YY2: variants seen among roughly 807,000 people sequenced by gnomAD.
The protein encoded by YY2 is transcription factor YY2.
For synonymous variants in YY2, 157 were observed against 131.2 expected (o/e 1.20, Z -1.35); for missense variants, 254 against 305.3 (o/e 0.83, Z 1.25).
Position 21,856,308 on chromosome X carries a change from CT to C in YY2, c.-176del, listed in dbSNP as rs1394837289. On this transcript the variant is annotated 5_prime_UTR_variant, in exon 1 of 1. An upstream open reading frame in the 5' UTR gains an earlier in-frame stop. Coordinates refer to ENST00000429584, the MANE Select transcript of YY2 (RefSeq NM_206923.4). ...GCCTTTCTCTGCAGCTCGCGCCTTT[CT>C]CTGCAGCTCGCGCCTTTCTCTGCAG... 11 of 367,804 alleles carry C rather than the reference CT, an allele frequency of 3.0e-5. No individual in the cohort carries two copies. The highest frequency in any genetic ancestry group is 9.3e-5 in the East Asian group (2 of 21,554). The allele number at this position is 367,804 out of a possible 1,213,427, so 30.3% of individuals were successfully genotyped here.
At position 21,856,301 on chromosome X, in the gene YY2, C is replaced by T. The variant is rs765665613; in HGVS notation, c.-184C>T. 7.8e-5 allele frequency: 29 copies of T among 373,975 alleles called. No homozygotes were observed. In the Admixed American group the frequency reaches 1.3e-3, roughly 17 times the overall value. The allele number at this position is 373,975 out of a possible 1,213,427, so 30.8% of individuals were successfully genotyped here. Reference sequence around the variant, plus strand: ...GTCTCGCGCCTTTCTCTGCAGCTCGCGCCTTTCTCTGCAGCTCGCGCCTTT... The same window carrying T: ...GTCTCGCGCCTTTCTCTGCAGCTCGTGCCTTTCTCTGCAGCTCGCGCCTTT... On this transcript the variant is annotated 5_prime_UTR_variant, in exon 1 of 1. Transcript: ENST00000429584.
rs141654651 is a variant in YY2 at position 21,856,691 on chromosome X, G to A, written c.207G>A (p.Thr69=). Residue 69 remains threonine, a synonymous_variant, in exon 1 of 1, where the codon ACG becomes ACA. Transcript: ENST00000429584. ...LMVLQPLFTN[T]GYGDHDQEML... is the part of the protein sequence containing the mutation. The stretch of plus-strand genomic sequence containing the variant: ...TGTTGCAGCCGCTCTTCACGAACAC[G>A]GGCTATGGCGACCACGACCAGGAAA... 4.4e-4 allele frequency: 536 copies of A among 1,209,932 alleles called. 3 individuals carry two copies. The highest frequency in any genetic ancestry group is 3.8e-3 in the South Asian group (215 of 56,802).
In YY2 at chrX:21,856,396, C is replaced by T. The variant is rs2092922382; in HGVS notation, c.-89C>T. The T allele has an allele frequency of 1.9e-6, 2 of 1,050,306 alleles. No homozygotes were observed. Among genetic ancestry groups the T allele is most frequent in the Admixed American group, 5.4e-5 (2 of 36,997 alleles). The allele number at this position is 1,050,306 out of a possible 1,213,427, so 86.6% of individuals were successfully genotyped here. On this transcript the variant is annotated 5_prime_UTR_variant, in exon 1 of 1. Transcript: ENST00000429584. ...AGCTCGCCCCTTCCTCTGCAGCTCGCCCCTTCCTCTGCAGCTCCCACCTCA... is the reference window on the plus strand; with the variant it reads ...AGCTCGCCCCTTCCTCTGCAGCTCGTCCCTTCCTCTGCAGCTCCCACCTCA...
Position 21,857,528 on chromosome X carries a change from C to T in YY2, c.1044C>T (p.Cys348=). Residue 348 remains cysteine (C), a synonymous_variant, in exon 1 of 1, where the codon TGC becomes TGT. Transcript: ENST00000429584. ...CCTTCGTGTGCCCCTTCGATGTTTG[C>T]AACAGGAAGTTCGCTCAGTCAACCA... The part of the protein sequence containing the change: ...DKPFVCPFDV[C]NRKFAQSTNL... The T allele has an allele frequency of 8.3e-7, 1 of 1,212,006 alleles. No homozygotes were observed. The highest frequency in any genetic ancestry group is 1.1e-6 in the Non-Finnish European group (1 of 895,559).
In YY2 at chrX:21,858,135, A is replaced by G. The variant is rs2092926148; in HGVS notation, c.*532A>G. ...CGTGAAGTATTTTCCTGCTTAAAAA[A>G]GTTATATAGGTGTTATTTGTTTTAA... On this transcript the variant is annotated 3_prime_UTR_variant, in exon 1 of 1. Transcript: ENST00000429584. 8.0e-6 allele frequency: 1 copy of G among 124,771 alleles called. No individual in the cohort carries two copies. Among genetic ancestry groups the G allele is most frequent in the Non-Finnish European group, 1.9e-5 (1 of 53,607 alleles). The allele number at this position is 124,771 out of a possible 1,213,427, so 10.3% of individuals were successfully genotyped here. A position where few individuals can be genotyped will look rare whatever the true frequency, so the allele number is the denominator to read the frequency against.
At position 21,857,339 on chromosome X, in the gene YY2, T is replaced by C. The variant is rs1173768074; in HGVS notation, c.855T>C (p.Cys285=). The C allele has an allele frequency of 9.1e-6, 11 of 1,210,897 alleles. No homozygotes were observed. The highest frequency in any genetic ancestry group is 1.1e-5 in the Non-Finnish European group (10 of 895,443). ...TCCACGGGCCCAGAGTCCACGTATG[T>C]GCAGAATGTGGCAAAGCTTTTCTTG... ...LHIHGPRVHV[C]AECGKAFLES... is the part of the protein sequence containing the mutation. Residue 285 remains cysteine, a synonymous_variant, in exon 1 of 1, where the codon TGT becomes TGC. Transcript: ENST00000429584.
rs746893321 is a variant in YY2 at position 21,857,145 on chromosome X, C to G, written c.661C>G (p.Pro221Ala). Reference protein sequence around the residue: ...SEYLKGKKLPPGGLPGIDLSD... With the variant: ...SEYLKGKKLPAGGLPGIDLSD... ...GTACTTGAAAGGGAAGAAACTTCCT[C>G]CTGGGGGGTTACCAGGCATTGATCT... The change falls in exon 1 of 1, where the codon CCT becomes GCT. Residue 221 changes from proline to alanine, a missense_variant. Pro to Ala is a conservative substitution (Grantham distance 27). Transcript: ENST00000429584. 8.3e-6 allele frequency: 10 copies of G among 1,211,887 alleles called. No homozygotes were observed. The highest frequency in any genetic ancestry group is 8.9e-6 in the Non-Finnish European group (8 of 895,554).
Position 21,857,138 on chromosome X carries a change from A to G in YY2, c.654A>G (p.Lys218=), listed in dbSNP as rs202092765. 1.2e-5 allele frequency: 15 copies of G among 1,209,948 alleles called. No individual in the cohort carries two copies. Among genetic ancestry groups the G allele is most frequent in the Middle Eastern group, 4.6e-4 (2 of 4,352 alleles). ...PDYSEYLKGK[K]LPPGGLPGID... is the part of the protein sequence containing the mutation. ...ATTCCGAGTACTTGAAAGGGAAGAAACTTCCTCCTGGGGGGTTACCAGGCA... is the reference window on the plus strand; with the variant it reads ...ATTCCGAGTACTTGAAAGGGAAGAAGCTTCCTCCTGGGGGGTTACCAGGCA... Residue 218 remains lysine, a synonymous_variant, in exon 1 of 1, where the codon AAA becomes AAG. Coordinates refer to ENST00000429584, the MANE Select transcript of YY2 (RefSeq NM_206923.4).
chrX:21,857,294 C>T lies in YY2; in HGVS notation c.810C>T (p.Ala270=), dbSNP rs764439071. 21 of 1,210,364 alleles carry T rather than the reference C, an allele frequency of 1.7e-5. No individual in the cohort carries two copies. The African/African-American group carries it at 3.1e-4, about 18-fold the overall frequency. Residue 270 remains alanine (A), a synonymous_variant, in exon 1 of 1, where the codon GCC becomes GCT. Coordinates refer to ENST00000429584, the MANE Select transcript of YY2 (RefSeq NM_206923.4). ...GCEKMFRDYA[A]MRKHLHIHGP... ...AAAAGATGTTCCGGGATTACGCCGC[C>T]ATGAGAAAACATCTCCACATCCACG...
At position 21,856,346 on chromosome X, in the gene YY2, CTCTGCAGCTCGCGCCTTT is replaced by C. The variant is rs2092922042; in HGVS notation, c.-138_-121del. Reference sequence around the variant, plus strand: ...GCCTTTCTCTGCAGCTCGCGCCTTTCTCTGCAGCTCGCGCCTTTCTCTGCAGCTCGCCCCTTCCTCTGC... The same window carrying C: ...GCCTTTCTCTGCAGCTCGCGCCTTTCCTCTGCAGCTCGCCCCTTCCTCTGC... On this transcript the variant is annotated 5_prime_UTR_variant, in exon 1 of 1. Transcript: ENST00000429584. 3.1e-5 allele frequency: 18 copies of C among 574,579 alleles called. No individual in the cohort carries two copies. The highest frequency in any genetic ancestry group is 2.2e-4 in the African/African-American group (9 of 41,849). The allele number at this position is 574,579 out of a possible 1,213,427, so 47.4% of individuals were successfully genotyped here. A position where few individuals can be genotyped will look rare whatever the true frequency, so the allele number is the denominator to read the frequency against.
Position 21,856,094 on chromosome X carries a change from A to T in YY2, c.-391A>T, listed in dbSNP as rs1183907230. The T allele has an allele frequency of 2.4e-5, 4 of 164,368 alleles. No homozygotes were observed. Among genetic ancestry groups the T allele is most frequent in the Non-Finnish European group, 4.6e-5 (4 of 86,903 alleles). 13.5% of individuals were successfully genotyped at this position (164,368 alleles called of 1,213,427 possible). Reference sequence around the variant, plus strand: ...GAAAATCAACTAAAATGAAATACATAAAAAATCAGTAAAGAGCCTGCTTAC... The same window carrying T: ...GAAAATCAACTAAAATGAAATACATTAAAAATCAGTAAAGAGCCTGCTTAC... On this transcript the variant is annotated 5_prime_UTR_variant, in exon 1 of 1. Coordinates refer to ENST00000429584, the MANE Select transcript of YY2 (RefSeq NM_206923.4).
Position 21,857,147 on chromosome X carries a change from T to G in YY2, c.663T>G (p.Pro221=), listed in dbSNP as rs2092924124. ...ACTTGAAAGGGAAGAAACTTCCTCCTGGGGGGTTACCAGGCATTGATCTCT... is the reference window on the plus strand; with the variant it reads ...ACTTGAAAGGGAAGAAACTTCCTCCGGGGGGGTTACCAGGCATTGATCTCT... ...SEYLKGKKLP[P]GGLPGIDLSD... is the part of the protein sequence containing the mutation. The change falls in exon 1 of 1, where the codon CCT becomes CCG. Residue 221 remains proline, a synonymous_variant. Transcript: ENST00000429584. 2 of 1,211,896 alleles carry G rather than the reference T, an allele frequency of 1.7e-6. No homozygotes were observed. Among genetic ancestry groups the G allele is most frequent in the East Asian group, 5.9e-5 (2 of 33,855 alleles).
Position 21,856,892 on chromosome X carries a change from C to T in YY2, c.408C>T (p.Ser136=). Residue 136 remains serine, a synonymous_variant, in exon 1 of 1, where the codon AGC becomes AGT. Transcript: ENST00000429584. ...CATCAACATCAACATCAACCCAGAGCCGCAGCAAAAAGCCCAGCAAAAAGC... is the reference window on the plus strand; with the variant it reads ...CATCAACATCAACATCAACCCAGAGTCGCAGCAAAAAGCCCAGCAAAAAGC... ...SAASTSTSTQ[S]RSKKPSKKPS... 8.3e-7 allele frequency: 1 copy of T among 1,211,794 alleles called. No individual in the cohort carries two copies. Among genetic ancestry groups the T allele is most frequent in the Admixed American group, 2.2e-5 (1 of 46,036 alleles).
At position 21,857,276 on chromosome X, in the gene YY2, G is replaced by A; in HGVS notation, c.792G>A (p.Met264Ile). The A allele has an allele frequency of 8.3e-7, 1 of 1,211,777 alleles. No homozygotes were observed. Among genetic ancestry groups the A allele is most frequent in the Non-Finnish European group, 1.1e-6 (1 of 895,495 alleles). ...GCTCTTATAGCGGCTGCGAAAAGAT[G>A]TTCCGGGATTACGCCGCCATGAGAA... ...VPCSYSGCEK[M>I]FRDYAAMRKH... The change falls in exon 1 of 1, where the codon ATG becomes ATA. Residue 264 changes from methionine (M) to isoleucine (I), a missense_variant. Met to Ile is a conservative substitution (Grantham distance 10, BLOSUM62 1). Coordinates refer to ENST00000429584, the MANE Select transcript of YY2 (RefSeq NM_206923.4).
In YY2 at chrX:21,856,264, G is replaced by C. The variant is rs1231293591; in HGVS notation, c.-221G>C. On this transcript the variant is annotated 5_prime_UTR_variant, in exon 1 of 1. Transcript: ENST00000429584. ...CAGAAGCACCTGCGCCTTCCGGCTC[G>C]TGCTTTCCTCAGTCTCGCGCCTTTC... The C allele has an allele frequency of 2.4e-6, 1 of 422,794 alleles. No individual in the cohort carries two copies. The highest frequency in any genetic ancestry group is 4.0e-6 in the Non-Finnish European group (1 of 249,578). The allele number at this position is 422,794 out of a possible 1,213,427, so 34.8% of individuals were successfully genotyped here.
chrX:21,857,492 C>T lies in YY2; in HGVS notation c.1008C>T (p.Thr336=), dbSNP rs747118571. 5.8e-6 allele frequency: 7 copies of T among 1,210,557 alleles called. No homozygotes were observed. The highest frequency in any genetic ancestry group is 1.8e-5 in the South Asian group (1 of 56,905). ...TGCGCACACACTTGCGCATCCACAC[C>T]GGCGATAAGCCCTTCGTGTGCCCCT... ...FNLRTHLRIH[T]GDKPFVCPFD... Residue 336 remains threonine (T), a synonymous_variant, in exon 1 of 1, where the codon ACC becomes ACT. Transcript: ENST00000429584.
Position 21,857,057 on chromosome X carries a change from C to T in YY2, c.573C>T (p.Asn191=), listed in dbSNP as rs959495609. The change falls in exon 1 of 1, where the codon AAC becomes AAT. Residue 191 remains asparagine, a synonymous_variant. Coordinates refer to ENST00000429584, the MANE Select transcript of YY2 (RefSeq NM_206923.4). The stretch of plus-strand genomic sequence containing the variant: ...TTTCCGTGACTATGTGGTCCCCTAA[C>T]GATAACAATGACCAAGGGGCAGTGG... ...GEFSVTMWSP[N]DNNDQGAVGE... is the part of the protein sequence containing the mutation. 3.3e-6 allele frequency: 4 copies of T among 1,209,909 alleles called. No individual in the cohort carries two copies. The highest frequency in any genetic ancestry group is 1.8e-5 in the South Asian group (1 of 56,813).
At position 21,858,688 on chromosome X, in the gene YY2, A is replaced by G. The variant is rs763771278; in HGVS notation, c.*1085A>G. 4 of 121,250 alleles carry G rather than the reference A, an allele frequency of 3.3e-5. No homozygotes were observed. Among genetic ancestry groups the G allele is most frequent in the African/African-American group, 6.6e-5 (2 of 30,277 alleles). 10.0% of individuals were successfully genotyped at this position (121,250 alleles called of 1,213,427 possible). The stretch of plus-strand genomic sequence containing the variant: ...GTGGATCGTTTGAGCTCAGGAATTG[A>G]ACATCAGCCTGGGCAACATGGCATA... On this transcript the variant is annotated 3_prime_UTR_variant, in exon 1 of 1. Coordinates refer to ENST00000429584, the MANE Select transcript of YY2 (RefSeq NM_206923.4).
chrX:21,856,450 C>T lies in YY2; in HGVS notation c.-35C>T. ...CCCTCAGCGTTCTTTTTCCCACGGT[C>T]TTCCCGTTGCCGCTAACCTAACTAA... On this transcript the variant is annotated 5_prime_UTR_variant, in exon 1 of 1. Coordinates refer to ENST00000429584, the MANE Select transcript of YY2 (RefSeq NM_206923.4). 1 of 1,179,695 alleles carries T rather than the reference C, an allele frequency of 8.5e-7. No individual in the cohort carries two copies. The highest frequency in any genetic ancestry group is 3.0e-5 in the East Asian group (1 of 33,588).
Sources: gnomAD v4.1 joint callset for allele counts on GRCh38, gnomAD v4.1.1 for gene constraint, MANE v1.5 for transcripts, NCBI Gene and HGNC (gene_info 2026-07-23, HGNC 2026-07-21) for gene names.